PPP1R7: variants seen among roughly 807,000 people sequenced by gnomAD.
The protein encoded by PPP1R7 is protein phosphatase 1 regulatory subunit 22.
Under a neutral mutation model 45.2 loss-of-function variants are expected in PPP1R7, and 18 were observed. The ratio of observed to expected loss-of-function variants is 0.40; its 90% CI spans 0.28 to 0.59. The LOEUF (loss-of-function observed/expected upper bound fraction) is 0.59. Ranked by LOEUF, PPP1R7 falls within the 20% of genes least tolerant of loss-of-function variation. The probability of loss-of-function intolerance (pLI) is 0.46; values close to 1 mark genes in which losing one functional copy is unlikely to be tolerated. For synonymous variants in PPP1R7, 181 were observed against 183.4 expected (o/e 0.99, Z 0.11); for missense variants, 314 against 455.8 (o/e 0.69, Z 2.83).
At chr2:241,179,122 G>A (rs1372454192) in intron 9 of PPP1R7, among the ~76,000 whole-genome samples, 2 of 152,140 alleles carry the variant, frequency 1.3e-5, no homozygotes, top group African/African-American at 4.8e-5. Flanking sequence ...AACCAAAAGA[G>A]TCTGCCAGGA....
intron 1 of PPP1R7, 114 bp from the exon 2 acceptor site, chr2:241,153,362 A>G: frequency 7.2e-7 from 1 of 1,394,258 alleles, no homozygotes; most frequent in Non-Finnish European, 9.9e-7. Flanking sequence ...GTTGAACTGG[A>G]TTCAACAAAC....
chr2:241,174,437 C>A (rs765673542), intron 9 of PPP1R7, among the ~76,000 whole-genome samples: 1 of 152,094 alleles, frequency 6.6e-6, no homozygotes, highest in Non-Finnish European at 1.5e-5. Flanking sequence ...CCCTACATAG[C>A]TCACTCCTAT....
chr2:241,156,245 A>G (rs2125483094), intron 2 of PPP1R7, among the ~76,000 whole-genome samples: 1 of 152,362 alleles, frequency 6.6e-6, no homozygotes, highest in South Asian at 2.1e-4. Flanking sequence ...AGGTAGTGAC[A>G]ATGACAATCT....
rs568562945 is a variant in PPP1R7, at chr2:241,183,400, G to A, written c.*577G>A. ...TTAGAGCTCTCCTTCAAAGAGCGCC[G>A]GGCAGGGCTGACTGTTTTCACGTGT... On this transcript the variant is annotated 3_prime_UTR_variant, in exon 10 of 10. Coordinates refer to ENST00000234038, the MANE Select transcript of PPP1R7 (RefSeq NM_002712.3). 6.4e-5 allele frequency: 30 copies of A among 471,200 alleles called. No individual in the cohort carries two copies. The highest frequency in any genetic ancestry group is 5.6e-4 in the East Asian group (8 of 14,400). The allele number at this position is 471,200 out of a possible 1,614,324, so 29.2% of individuals were successfully genotyped here. A position where few individuals can be genotyped will look rare whatever the true frequency, so the allele number is the denominator to read the frequency against.
intron 9 of PPP1R7, 22 bp downstream of exon 9, chr2:241,169,889 G>T: frequency 1.3e-6 from 2 of 1,555,498 alleles, no homozygotes; most frequent in Non-Finnish European, 8.9e-7. Flanking sequence ...ACACGCTGGG[G>T]TTGATGACAC....
chr2:241,181,603 A>AC (rs1416824535), intron 9 of PPP1R7, among the ~76,000 whole-genome samples: 9 of 151,340 alleles, frequency 5.9e-5, no homozygotes, highest in East Asian at 2.0e-4. Flanking sequence ...CCATGCAGGG[A>AC]CCCCCCAGTC....
chr2:241,175,247 G>A (rs1559427582), intron 9 of PPP1R7, among the ~76,000 whole-genome samples: 1 of 152,168 alleles, frequency 6.6e-6, no homozygotes, highest in Non-Finnish European at 1.5e-5. Flanking sequence ...CAGCACATTC[G>A]TAATGGTGCA....
rs543891578 is a variant in PPP1R7 at position 241,150,565 on chromosome 2, G to A, written c.52+18G>A. 3 of 1,585,438 alleles carry A rather than the reference G, an allele frequency of 1.9e-6. No homozygotes were observed. Among genetic ancestry groups the A allele is most frequent in the Non-Finnish European group, 2.6e-6 (3 of 1,168,516 alleles). On this transcript the variant is annotated intron_variant, in intron 1 of 9. Coordinates refer to ENST00000234038, the MANE Select transcript of PPP1R7 (RefSeq NM_002712.3). Reference sequence around the variant, plus strand: ...GATGGAGGGTGAGCGGCCCCTGCGGGCGGCGGCCCAAGGGCCCAGCGGGCG... The same window carrying A: ...GATGGAGGGTGAGCGGCCCCTGCGGACGGCGGCCCAAGGGCCCAGCGGGCG...
intron 9 of PPP1R7, among the ~76,000 whole-genome samples, chr2:241,174,893 T>C (rs907095360): frequency 6.6e-6 from 1 of 152,074 alleles, no homozygotes; most frequent in Admixed American, 6.5e-5. Context: ...GCCAGGACAG[T>C]CTCCATCTCC....
intron 1 of PPP1R7, among the ~76,000 whole-genome samples, chr2:241,152,933 G>A (rs534507290): frequency 3.3e-5 from 5 of 152,308 alleles, no homozygotes; most frequent in South Asian, 2.1e-4. Flanking sequence ...CTTTCTGTGG[G>A]CGGTCAGCAC....
chr2:241,181,694 C>T (rs928327565), intron 9 of PPP1R7, among the ~76,000 whole-genome samples: 1 of 152,178 alleles, frequency 6.6e-6, no homozygotes, highest in Non-Finnish European at 1.5e-5. Flanking sequence ...TCCACATGGA[C>T]AGTTCCCTTC....
At chr2:241,163,698 G>A (rs985422550) in intron 7 of PPP1R7, among the ~76,000 whole-genome samples, 1 of 151,974 alleles carries the variant, frequency 6.6e-6, no homozygotes, top group Non-Finnish European at 1.5e-5. Context: ...CCAACTCCTG[G>A]GCTCAAGCCA....
At position 241,183,460 on chromosome 2, in the gene PPP1R7, G is replaced by A. The variant is rs1322351921; in HGVS notation, c.*637G>A. The A allele has an allele frequency of 2.1e-6, 1 of 471,058 alleles. No homozygotes were observed. Among genetic ancestry groups the A allele is most frequent in the Non-Finnish European group, 4.4e-6 (1 of 227,076 alleles). 29.2% of individuals were successfully genotyped at this position (471,058 alleles called of 1,614,324 possible). On this transcript the variant is annotated 3_prime_UTR_variant, in exon 10 of 10. Coordinates refer to ENST00000234038, the MANE Select transcript of PPP1R7 (RefSeq NM_002712.3). ...TTCTCGCCACATCCCTTGCCTGTGG[G>A]TGAAAGCTCAGGTGTGGGGAGGGTG... is the stretch of plus-strand genomic sequence containing the variant.
intron 7 of PPP1R7, among the ~76,000 whole-genome samples, chr2:241,164,776 G>A (rs1281945573): frequency 6.6e-6 from 1 of 152,164 alleles, no homozygotes; most frequent in Non-Finnish European, 1.5e-5. Flanking sequence ...GGCCAGGCGT[G>A]GTGGCTCACG....
intron 6 of PPP1R7, among the ~76,000 whole-genome samples, chr2:241,161,708 G>A (rs1455397609): frequency 3.9e-5 from 6 of 152,224 alleles, no homozygotes; most frequent in Non-Finnish European, 7.3e-5. Flanking sequence ...CATAACCACC[G>A]TCATGTGCTG....
chr2:241,158,804 G>A (rs56305838), intron 4 of PPP1R7: 154,487 of 503,374 alleles, frequency 0.31, 26,812 homozygotes, highest in Middle Eastern at 0.39. Flanking sequence ...GGCCTGCCTC[G>A]GTTTCTGTGC....
At chr2:241,174,876 T>C (rs1484950059) in intron 9 of PPP1R7, among the ~76,000 whole-genome samples, 2 of 151,972 alleles carry the variant, frequency 1.3e-5, no homozygotes, top group South Asian at 2.1e-4. Flanking sequence ...AGGGTTTCAC[T>C]GTGTTAGCCA....
intron 6 of PPP1R7, among the ~76,000 whole-genome samples, chr2:241,162,962 C>T (rs752398613): frequency 1.1e-4 from 16 of 152,070 alleles, no homozygotes; most frequent in Admixed American, 3.3e-4. Context: ...TTTCCACGCC[C>T]GACAGGGGGA....
rs2125486414 is a variant in PPP1R7, at chr2:241,158,564, T to C, written c.303+15T>C. 1.9e-6 allele frequency: 3 copies of C among 1,607,272 alleles called. No homozygotes were observed. The highest frequency in any genetic ancestry group is 2.2e-5 in the East Asian group (1 of 44,854). ...AGAAAGTGAAGGTGAGAGGGACTCT[T>C]ATGAGGGGACTATGACGCTCACCCA... On this transcript the variant is annotated intron_variant, in intron 4 of 9. Transcript: ENST00000234038.
Sources: allele counts gnomAD v4.1 joint callset (sites outside exome capture counted in the v4.1 genomes callset), GRCh38; gene constraint gnomAD v4.1.1; transcripts MANE v1.5; gene names NCBI Gene and HGNC (gene_info 2026-07-23, HGNC 2026-07-21).